Variants in PFKFB3 observed in about 807,000 individuals in gnomAD.
The protein encoded by PFKFB3 is 6-phosphofructo-2-kinase/fructose-2,6-bisphosphatase 3.
A neutral mutation model predicts 68.0 loss-of-function variants in PFKFB3; 33 were observed. The ratio of observed to expected loss-of-function variants is 0.49; its 90% CI spans 0.37 to 0.65. PFKFB3 has a LOEUF of 0.65. Ranked by LOEUF, PFKFB3 falls within the 30% of genes least tolerant of loss-of-function variation. The pLI is 0.00. For missense variants in PFKFB3, 586 were observed against 712.2 expected, an observed-to-expected ratio of 0.82 and a Z score of 2.02; for synonymous variants, 315 against 288.2, an observed-to-expected ratio of 1.09 and a Z score of -0.94.
At chr10:6,198,905 T>A (rs1843246059), upstream of PFKFB3, among the ~76,000 whole-genome samples, 1 of 152,242 alleles carries the variant, frequency 6.6e-6, no homozygotes, top group African/African-American at 2.4e-5. Context: ...GTTTCCATAT[T>A]TTAACAATTA....
chr10:6,164,285 G>T (rs957277718), intron 1 of PFKFB3, among the ~76,000 whole-genome samples: 1 of 152,202 alleles, frequency 6.6e-6, no homozygotes, highest in Admixed American at 6.5e-5. Context: ...ACTCCCTGAG[G>T]ACCTCGTATG....
chr10:6,316,240 T>TA, the PFKFB3 span, among the ~76,000 whole-genome samples: 130,258 of 152,048 alleles, frequency 0.86, 55,995 homozygotes, highest in Middle Eastern at 0.91. Flanking sequence ...TGAAAACCTC[T>TA]AGGAGCTCCT....
In PFKFB3 at chr10:6,229,500, C is replaced by G. The variant is rs1845592339; in HGVS notation, c.1515+3135C>G. On this transcript the variant is annotated intron_variant, in intron 14 of 14. Transcript: ENST00000379775. This position sits in a 1 kb window ranked among gnomAD's most constrained non-coding sequence, Gnocchi z 4.3. ...CGCAAGGCATGGGCAGCTGTTGGAC[C>G]CTCGTGTACCCCCACAGCCACCCCC... 6.6e-6 allele frequency among the ~76,000 whole-genome samples: 1 copy of G among 152,182 alleles called. No homozygotes were observed. The highest frequency in any genetic ancestry group is 2.4e-5 in the African/African-American group (1 of 41,436).
At chr10:6,192,842 G>A (rs1243557444) in intron 1 of PFKFB3, among the ~76,000 whole-genome samples, 1 of 152,044 alleles carries the variant, frequency 6.6e-6, no homozygotes, top group Non-Finnish European at 1.5e-5. Flanking sequence ...CTCATCCAGG[G>A]ATTGGTTGAC....
the PFKFB3 span, among the ~76,000 whole-genome samples, chr10:6,320,130 G>A: frequency 6.6e-6 from 1 of 152,182 alleles, no homozygotes; most frequent in Non-Finnish European, 1.5e-5. Flanking sequence ...GAGCCCAAGA[G>A]GTTGAGGCTA....
At chr10:6,205,210 C>T (rs1843605815) in intron 1 of PFKFB3, among the ~76,000 whole-genome samples, 1 of 152,140 alleles carries the variant, frequency 6.6e-6, no homozygotes, top group Non-Finnish European at 1.5e-5. Flanking sequence ...TAAAAAGATC[C>T]GCAGCCTGGG....
At chr10:6,252,964 G>C (rs1291805938) in intron 14 of PFKFB3, among the ~76,000 whole-genome samples, 1 of 152,140 alleles carries the variant, frequency 6.6e-6, no homozygotes, top group Non-Finnish European at 1.5e-5. Context: ...TGTCACCCAG[G>C]CTAGAGTGCA....
At chr10:6,163,903 G>A (rs1435775017) in intron 1 of PFKFB3, 1 of 152,354 alleles carries the variant, frequency 6.6e-6, no homozygotes, top group Non-Finnish European at 1.5e-5. Flanking sequence ...ATCCGGCGCT[G>A]GGCCCCCTAC....
At chr10:6,179,219 C>A (rs191803686) in intron 1 of PFKFB3, among the ~76,000 whole-genome samples, 1 of 152,234 alleles carries the variant, frequency 6.6e-6, no homozygotes, top group East Asian at 1.9e-4. Context: ...CGAGGTCACA[C>A]AGCGTGTGAG....
intron 1 of PFKFB3, among the ~76,000 whole-genome samples, chr10:6,171,414 T>G (rs1478266079): frequency 6.6e-6 from 1 of 151,462 alleles, no homozygotes; most frequent in East Asian, 1.9e-4. Context: ...TTTTTTTTTT[T>G]GGAGACTGTC....
At chr10:6,206,558 C>T (rs1475633078) in intron 1 of PFKFB3, among the ~76,000 whole-genome samples, 29 of 66,450 alleles carry the variant, frequency 4.4e-4, no homozygotes, top group Middle Eastern at 6.8e-3. Flanking sequence ...ACCTCCCGGA[C>T]GGGGCGGCTG....
chr10:6,302,375 T>TG, the PFKFB3 span, among the ~76,000 whole-genome samples: 253 of 101,360 alleles, frequency 2.5e-3, 2 homozygotes, highest in African/African-American at 9.3e-3. Context: ...TTTTTTTTTT[T>TG]TTTTTTTTTT....
At chr10:6,170,053 GT>G (rs1383336777) in intron 1 of PFKFB3, among the ~76,000 whole-genome samples, 2 of 152,084 alleles carry the variant, frequency 1.3e-5, no homozygotes, top group Non-Finnish European at 2.9e-5. Flanking sequence ...TGGGACTTCT[GT>G]TTGTGGTTAT....
At chr10:6,301,626 A>T in the PFKFB3 span, among the ~76,000 whole-genome samples, 3 of 152,180 alleles carry the variant, frequency 2.0e-5, no homozygotes, top group South Asian at 2.1e-4. Flanking sequence ...GAAAGCACTG[A>T]TGGATGTAAC....
rs1843433593 is a variant in PFKFB3, at chr10:6,202,984, G to A, written c.-277G>A. On this transcript the variant is annotated 5_prime_UTR_variant, in exon 1 of 15. Coordinates refer to ENST00000379775, the MANE Select transcript of PFKFB3 (RefSeq NM_004566.4). ...AGGGCCTGGTGGCGAGAGCGCGGCT[G>A]TCACTGCGCCCGAGCATCCCAGAGC... 1.1e-5 allele frequency: 15 copies of A among 1,309,716 alleles called. No homozygotes were observed. Among genetic ancestry groups the A allele is most frequent in the South Asian group, 3.8e-5 (2 of 53,184 alleles). 81.1% of individuals were successfully genotyped at this position (1,309,716 alleles called of 1,614,324 possible). A position where few individuals can be genotyped will look rare whatever the true frequency, so the allele number is the denominator to read the frequency against.
chr10:6,147,632 T>C (rs1456499817), intron 1 of PFKFB3, among the ~76,000 whole-genome samples: 1 of 152,216 alleles, frequency 6.6e-6, no homozygotes, highest in East Asian at 1.9e-4. Flanking sequence ...TGACAGGGAC[T>C]GTGGCCTCTG....
the PFKFB3 span, among the ~76,000 whole-genome samples, chr10:6,325,793 C>T: frequency 6.6e-6 from 1 of 152,174 alleles, no homozygotes; most frequent in African/African-American, 2.4e-5. Flanking sequence ...TATGTGTCCA[C>T]TGAGTTATTT....
chr10:6,174,543 C>T lies in PFKFB3; in HGVS notation c.16+29530C>T, dbSNP rs1032358303. On this transcript the variant is annotated intron_variant, in intron 1 of 14. Coordinates refer to the PFKFB3 transcript ENST00000379789. Reference sequence around the variant, plus strand: ...TGCCTGCGGCCCCCGCCGAGAAAGCCAGGAGCTGGGGCTCGCTTGTCAGGC... The same window carrying T: ...TGCCTGCGGCCCCCGCCGAGAAAGCTAGGAGCTGGGGCTCGCTTGTCAGGC... Among the ~76,000 whole-genome samples, 91 of 152,196 alleles carry T rather than the reference C, an allele frequency of 6.0e-4. 3 individuals carry two copies. The highest frequency in any genetic ancestry group is 1.5e-5 in the Non-Finnish European group (1 of 68,028).
chr10:6,191,785 G>A (rs1261137105), intron 1 of PFKFB3, among the ~76,000 whole-genome samples: 1 of 152,150 alleles, frequency 6.6e-6, no homozygotes, highest in Non-Finnish European at 1.5e-5. Flanking sequence ...TCTGTTCACA[G>A]GAGCAACGCG....
Sources: allele counts gnomAD v4.1 joint callset (sites outside exome capture counted in the v4.1 genomes callset), GRCh38; gene constraint gnomAD v4.1.1; non-coding constraint Gnocchi (gnomAD v3.1); transcripts MANE v1.5; gene names NCBI Gene and HGNC (gene_info 2026-07-23, HGNC 2026-07-21).